The following SMG6 variants were observed in gnomAD, a reference collection of about 807,000 sequenced individuals.
SMG6 encodes telomerase-binding protein EST1A.
A neutral mutation model predicts 142.2 loss-of-function variants in SMG6; 66 were observed. The ratio of observed to expected loss-of-function variants is 0.46; its 90% CI spans 0.38 to 0.57. The LOEUF is 0.57. Among genes scored for constraint, SMG6 ranks in the 20% least tolerant of loss-of-function variants. The pLI is 0.00. For synonymous variants in SMG6, 779 were observed against 702.4 expected, an observed-to-expected ratio of 1.11 and a Z score of -1.72; for missense variants, 1,793 against 1,832.0, an observed-to-expected ratio of 0.98 and a Z score of 0.39.
intron 9 of SMG6, among the ~76,000 whole-genome samples, chr17:2,242,698 A>G (rs1485710388): frequency 4.8e-5 from 7 of 146,990 alleles, no homozygotes; most frequent in African/African-American, 1.5e-4. Flanking sequence ...TTAAAAAAAA[A>G]AAAAAAAAAA....
intron 10 of SMG6, among the ~76,000 whole-genome samples, chr17:2,197,526 G>A (rs761587362): frequency 2.6e-5 from 4 of 151,846 alleles, no homozygotes; most frequent in Non-Finnish European, 4.4e-5. Flanking sequence ...TGACAGTGCC[G>A]CTGCACTCCA....
chr17:2,127,547 T>C lies in SMG6; in HGVS notation c.3358-41646A>G. The C allele has an allele frequency of 2.0e-5, 12 of 607,018 alleles. No homozygotes were observed. The Admixed American group carries it at 2.3e-4, about 11-fold the overall frequency. 37.6% of individuals were successfully genotyped at this position (607,018 alleles called of 1,614,324 possible). A position where few individuals can be genotyped will look rare whatever the true frequency, so the allele number is the denominator to read the frequency against. On this transcript the variant is annotated intron_variant, in intron 13 of 18. Coordinates refer to ENST00000263073, the MANE Select transcript of SMG6 (RefSeq NM_017575.5). Reference sequence around the variant, plus strand: ...ATGGTTTTGGGGCCAGCATCCTCAGTTTCTATCTTCCTATCTCTCTGGGTG... The same window carrying C: ...ATGGTTTTGGGGCCAGCATCCTCAGCTTCTATCTTCCTATCTCTCTGGGTG...
At chr17:2,270,990 G>A (rs1164609324) in intron 8 of SMG6, among the ~76,000 whole-genome samples, 1 of 152,040 alleles carries the variant, frequency 6.6e-6, no homozygotes, top group Non-Finnish European at 1.5e-5. Flanking sequence ...AACTTTAATT[G>A]TGTTACTTTG....
chr17:2,097,894 T>A (rs2068899072), intron 13 of SMG6, among the ~76,000 whole-genome samples: 1 of 152,200 alleles, frequency 6.6e-6, no homozygotes, highest in Non-Finnish European at 1.5e-5. Flanking sequence ...TCCCTCCCAT[T>A]TCTATCGGGG....
chr17:2,069,015 A>G, intron 15 of SMG6, 84 bp from the exon 16 acceptor site: 1 of 1,401,714 alleles, frequency 7.1e-7, no homozygotes, highest in Non-Finnish European at 9.9e-7. Flanking sequence ...ACGGTGTGTC[A>G]GCATCCTGCC....
At chr17:2,229,125 A>T (rs2073399170) in intron 10 of SMG6, among the ~76,000 whole-genome samples, 2 of 152,226 alleles carry the variant, frequency 1.3e-5, no homozygotes, top group Non-Finnish European at 2.9e-5. Flanking sequence ...CAAGAGAAAG[A>T]GTAAACACTT....
At chr17:2,222,207 CAT>C (rs999776985) in intron 10 of SMG6, among the ~76,000 whole-genome samples, 2 of 151,792 alleles carry the variant, frequency 1.3e-5, no homozygotes, top group African/African-American at 2.4e-5. Context: ...AAATAATAAA[CAT>C]ATACACATTA....
chr17:2,188,253 G>A, intron 11 of SMG6, 146 bp downstream of exon 11: 1 of 676,420 alleles, frequency 1.5e-6, no homozygotes, highest in Non-Finnish European at 2.6e-6. Context: ...GACTAGTTAG[G>A]CAGGCAAAAG....
intron 13 of SMG6, 117 bp downstream of exon 13, chr17:2,172,541 C>A: frequency 9.2e-7 from 1 of 1,086,820 alleles, no homozygotes; most frequent in Admixed American, 2.2e-5. Flanking sequence ...TTTCCCTTAA[C>A]ACCCTTCTCA....
Position 2,300,291 on chromosome 17 carries a change from A to G in SMG6, c.462T>C (p.Thr154=). ...QIYQPGRRLQ[T]VSKESASRVE... is the part of the protein sequence containing the mutation. ...CCCGACTGGCGGATTCTTTGCTAAC[A>G]GTCTGCAAACGTCGTCCAGGCTGAT... Residue 154 remains threonine (T), a synonymous_variant, in exon 2 of 19, where the codon ACT becomes ACC. Transcript: ENST00000263073. 1 of 1,614,098 alleles carries G rather than the reference A, an allele frequency of 6.2e-7. No individual in the cohort carries two copies. The highest frequency in any genetic ancestry group is 1.1e-5 in the South Asian group (1 of 91,080).
chr17:2,226,926 G>T (rs2073337222), intron 10 of SMG6, among the ~76,000 whole-genome samples: 1 of 152,052 alleles, frequency 6.6e-6, no homozygotes, highest in African/African-American at 2.4e-5. Context: ...AAGCAAGTGG[G>T]CAAGAGATGT....
At chr17:2,285,673 C>CT (rs975736341) in intron 6 of SMG6, among the ~76,000 whole-genome samples, 48 of 147,324 alleles carry the variant, frequency 3.3e-4, no homozygotes, top group East Asian at 4.0e-4. Context: ...ACCCTCTTTT[C>CT]TTTTTTTTTT....
intron 8 of SMG6, among the ~76,000 whole-genome samples, chr17:2,257,782 G>T (rs993686516): frequency 6.6e-6 from 1 of 151,744 alleles, no homozygotes; most frequent in African/African-American, 2.4e-5. Flanking sequence ...ACTTTGGGGG[G>T]CTGGGCGGAT....
At chr17:2,237,301 C>T (rs1291634217) in intron 9 of SMG6, 1 of 156,016 alleles carries the variant, frequency 6.4e-6, no homozygotes, top group African/African-American at 2.4e-5. Flanking sequence ...CTCCTGACCT[C>T]AAGTGATCCA....
intron 10 of SMG6, among the ~76,000 whole-genome samples, chr17:2,207,260 G>C (rs896074091): frequency 6.6e-6 from 1 of 152,004 alleles, no homozygotes; most frequent in African/African-American, 2.4e-5. Context: ...ACTCCAACCT[G>C]GGCAACAGAG....
chr17:2,114,664 C>T (rs905738711), intron 13 of SMG6, among the ~76,000 whole-genome samples: 8 of 152,068 alleles, frequency 5.3e-5, no homozygotes, highest in Non-Finnish European at 1.0e-4. Flanking sequence ...CGCGGTGGCT[C>T]ACACCTGTAA....
At chr17:2,149,374 A>AAG (rs1359856901) in intron 13 of SMG6, among the ~76,000 whole-genome samples, 2 of 145,798 alleles carry the variant, frequency 1.4e-5, no homozygotes, top group African/African-American at 2.6e-5. Context: ...AAAAAAAAAA[A>AAG]GGGTTAAAAT....
chr17:2,284,763 C>T (rs944517621), intron 6 of SMG6, among the ~76,000 whole-genome samples: 5 of 152,066 alleles, frequency 3.3e-5, no homozygotes, highest in Admixed American at 3.3e-4. Flanking sequence ...AGAGAGGTTT[C>T]CTTATTTGCA....
intron 13 of SMG6, among the ~76,000 whole-genome samples, chr17:2,138,324 C>G (rs777684473): frequency 6.6e-6 from 1 of 152,106 alleles, no homozygotes; most frequent in African/African-American, 2.4e-5. Flanking sequence ...AGCCTGTCCC[C>G]CATCTACAGG....
Sources: gnomAD v4.1 joint callset for allele counts (sites outside exome capture counted in the v4.1 genomes callset) on GRCh38, gnomAD v4.1.1 for gene constraint, MANE v1.5 for transcripts, NCBI Gene and HGNC (gene_info 2026-07-23, HGNC 2026-07-21) for gene names.